Variants in FSTL4 observed in about 807,000 individuals in gnomAD.
FSTL4 encodes follistatin-related protein 4.
Under a neutral mutation model 78.2 loss-of-function variants are expected in FSTL4, and 28 were observed. The ratio of observed to expected loss-of-function variants is 0.36; its 90% CI spans 0.27 to 0.49. The LOEUF is 0.49. Among genes scored for constraint, FSTL4 ranks in the 20% least tolerant of loss-of-function variants. The pLI, the probability that FSTL4 is intolerant of heterozygous loss-of-function variation, is 0.98. For synonymous variants in FSTL4, 422 were observed against 440.5 expected (o/e 0.96, Z 0.53); for missense variants, 922 against 1,084.9 (o/e 0.85, Z 2.11).
chr5:133,466,972 G>GTGTA (rs57100292), intron 3 of FSTL4, among the ~76,000 whole-genome samples: 41,567 of 151,604 alleles, frequency 0.27, 8,611 homozygotes, highest in African/African-American at 0.59. Context: ...GTGTGTGTAT[G>GTGTA]TGTATGAGTG....
the FSTL4 span, among the ~76,000 whole-genome samples, chr5:133,753,451 C>T: frequency 6.6e-6 from 1 of 152,290 alleles, no homozygotes; most frequent in East Asian, 1.9e-4. Flanking sequence ...AGTCCCTAAT[C>T]TCAGGTGGCT....
intron 3 of FSTL4, among the ~76,000 whole-genome samples, chr5:133,560,088 C>A (rs1759879820): frequency 6.6e-6 from 1 of 152,204 alleles, no homozygotes; most frequent in South Asian, 2.1e-4. Context: ...CTGACCCCTG[C>A]GTTTCCAAAA....
intron 6 of FSTL4, among the ~76,000 whole-genome samples, chr5:133,306,743 C>T (rs923780852): frequency 6.6e-6 from 1 of 152,208 alleles, no homozygotes; most frequent in Non-Finnish European, 1.5e-5. Context: ...CCATGTCCTT[C>T]ATGCCCTCAA....
At chr5:133,715,256 C>G in the FSTL4 span, among the ~76,000 whole-genome samples, 1 of 152,128 alleles carries the variant, frequency 6.6e-6, no homozygotes, top group Non-Finnish European at 1.5e-5. Flanking sequence ...CACACATATA[C>G]AGGGAGAAAA....
chr5:133,705,478 G>T, the FSTL4 span, among the ~76,000 whole-genome samples: 2 of 152,126 alleles, frequency 1.3e-5, no homozygotes, highest in Non-Finnish European at 2.9e-5. Context: ...CTGCTCTGGC[G>T]TCCACCAGGC....
At chr5:133,290,224 T>C (rs1753227396) in intron 6 of FSTL4, among the ~76,000 whole-genome samples, 4 of 152,254 alleles carry the variant, frequency 2.6e-5, no homozygotes, top group Admixed American at 2.6e-4. Context: ...GGGAATTTTA[T>C]GTACCCATGA....
At chr5:133,335,873 G>A (rs1421579482) in intron 4 of FSTL4, among the ~76,000 whole-genome samples, 3 of 151,912 alleles carry the variant, frequency 2.0e-5, no homozygotes, top group Non-Finnish European at 1.5e-5. Context: ...ACCCATGAGG[G>A]GTGCTTCTTA....
At chr5:133,572,043 A>C (rs939701818) in intron 2 of FSTL4, among the ~76,000 whole-genome samples, 2 of 152,190 alleles carry the variant, frequency 1.3e-5, no homozygotes, top group African/African-American at 4.8e-5. Flanking sequence ...GAAATTTGGG[A>C]ATCTCCACAA....
At chr5:133,632,105 C>G in the FSTL4 span, among the ~76,000 whole-genome samples, 1 of 152,022 alleles carries the variant, frequency 6.6e-6, no homozygotes, top group Non-Finnish European at 1.5e-5. Context: ...ATGTAACAAA[C>G]CTGTACGTTC....
chr5:133,713,411 C>T, the FSTL4 span, among the ~76,000 whole-genome samples: 1 of 152,188 alleles, frequency 6.6e-6, no homozygotes, highest in Admixed American at 6.5e-5. Context: ...TGCCAGGCTA[C>T]CCCTTGCTGC....
At chr5:133,719,718 G>A in the FSTL4 span, among the ~76,000 whole-genome samples, 2 of 145,530 alleles carry the variant, frequency 1.4e-5, no homozygotes, top group Non-Finnish European at 3.0e-5. Context: ...TATTAGCAAT[G>A]AAATAGTTCC....
At chr5:133,595,910 G>A (rs381392) in intron 2 of FSTL4, among the ~76,000 whole-genome samples, 19,595 of 152,260 alleles carry the variant, frequency 0.13, 1,618 homozygotes, top group African/African-American at 0.24. Context: ...AGTTGAGGGT[G>A]CACTTGAAGC....
chr5:133,517,928 C>T (rs763616364), intron 3 of FSTL4, among the ~76,000 whole-genome samples: 1 of 152,156 alleles, frequency 6.6e-6, no homozygotes, highest in Non-Finnish European at 1.5e-5. Flanking sequence ...TGAGGTCCAC[C>T]CACATTATGG....
At chr5:133,502,172 C>CT (rs1758511710) in intron 3 of FSTL4, among the ~76,000 whole-genome samples, 1 of 152,198 alleles carries the variant, frequency 6.6e-6, no homozygotes, top group Non-Finnish European at 1.5e-5. Flanking sequence ...TTTTGTGGTA[C>CT]TTTGTTACAG....
intron 3 of FSTL4, among the ~76,000 whole-genome samples, chr5:133,438,270 A>G (rs1409105817): frequency 1.3e-5 from 2 of 152,286 alleles, no homozygotes; most frequent in Non-Finnish European, 2.9e-5. Flanking sequence ...AAACATTCCA[A>G]ATACTGCTCC....
At chr5:133,646,285 C>T in the FSTL4 span, among the ~76,000 whole-genome samples, 3 of 151,980 alleles carry the variant, frequency 2.0e-5, no homozygotes, top group South Asian at 2.1e-4. Flanking sequence ...AGTGTCAAGG[C>T]AAAGGAGAAA....
intron 4 of FSTL4, among the ~76,000 whole-genome samples, chr5:133,334,618 T>C (rs1460338423): frequency 6.6e-6 from 1 of 152,220 alleles, no homozygotes; most frequent in Non-Finnish European, 1.5e-5. Flanking sequence ...TATGCTTCAA[T>C]GATATGTTTA....
intron 4 of FSTL4, among the ~76,000 whole-genome samples, chr5:133,317,360 G>T (rs1318010205): frequency 3.3e-5 from 5 of 152,172 alleles, no homozygotes; most frequent in African/African-American, 1.2e-4. Flanking sequence ...CGGGCTTCTA[G>T]GATGGACATC....
chr5:133,619,627 TATG>T, the FSTL4 span, among the ~76,000 whole-genome samples: 4 of 152,168 alleles, frequency 2.6e-5, no homozygotes, highest in Non-Finnish European at 5.9e-5. Flanking sequence ...TGCTGAGACA[TATG>T]GTAATTTTCA....
Sources: allele counts gnomAD v4.1 joint callset (sites outside exome capture counted in the v4.1 genomes callset), GRCh38; gene constraint gnomAD v4.1.1; transcripts MANE v1.5; gene names NCBI Gene and HGNC (gene_info 2026-07-23, HGNC 2026-07-21).